Variants in PRELID2 observed in about 807,000 individuals in gnomAD.
PRELID2 encodes the protein PRELI domain containing 2.
Under a neutral mutation model 28.4 loss-of-function variants are expected in PRELID2, and 25 were observed. The ratio of observed to expected loss-of-function variants is 0.88; its 90% CI spans 0.64 to 1.23. The LOEUF (loss-of-function observed/expected upper bound fraction) is 1.23, where lower values mean the gene tolerates loss of function less well. Among genes scored for constraint, PRELID2 ranks in the 50% most tolerant of loss-of-function variants. PRELID2 has a pLI of 0.00. For missense variants in PRELID2, 201 were observed against 214.4 expected, an observed-to-expected ratio of 0.94 and a Z score of 0.39; for synonymous variants, 76 against 71.6, an observed-to-expected ratio of 1.06 and a Z score of -0.31.
chr5:145,409,263 C>T, the PRELID2 span, among the ~76,000 whole-genome samples: 1 of 152,206 alleles, frequency 6.6e-6, no homozygotes, highest in African/African-American at 2.4e-5. Context: ...AAAATAGAAC[C>T]TCCTTAAAGC....
chr5:145,762,211 C>T (rs1757507090), intron 6 of PRELID2, among the ~76,000 whole-genome samples: 1 of 152,152 alleles, frequency 6.6e-6, no homozygotes, highest in Admixed American at 6.5e-5. Flanking sequence ...TGGTTATATT[C>T]AGACCTCGAC....
At chr5:145,395,253 C>A in the PRELID2 span, among the ~76,000 whole-genome samples, 3 of 152,004 alleles carry the variant, frequency 2.0e-5, no homozygotes, top group African/African-American at 7.3e-5. Flanking sequence ...ACCCTGACTG[C>A]CAACTGACTT....
intron 1 of PRELID2, among the ~76,000 whole-genome samples, chr5:145,616,196 A>G (rs1213509676): frequency 1.3e-5 from 2 of 152,176 alleles, no homozygotes; most frequent in Non-Finnish European, 2.9e-5. Context: ...TTAACTTTAC[A>G]TAACCTGATG....
chr5:145,755,335 G>T (rs1757228694), downstream of PRELID2, among the ~76,000 whole-genome samples: 3 of 152,184 alleles, frequency 2.0e-5, no homozygotes, highest in South Asian at 6.2e-4. Flanking sequence ...AGACACACAG[G>T]AAAGCTTCCT....
downstream of PRELID2, among the ~76,000 whole-genome samples, chr5:145,466,965 A>G (rs544481316): frequency 3.3e-5 from 5 of 152,292 alleles, no homozygotes; most frequent in African/African-American, 1.2e-4. Context: ...ATATGTTACC[A>G]GCACTAGATC....
chr5:145,820,838 T>C (rs1288648046), intron 2 of PRELID2, among the ~76,000 whole-genome samples: 1 of 152,194 alleles, frequency 6.6e-6, no homozygotes, highest in African/African-American at 2.4e-5. Flanking sequence ...GAAAAAGCTA[T>C]TCCGCTTCCT....
chr5:145,293,857 C>T, the PRELID2 span, among the ~76,000 whole-genome samples: 86 of 152,250 alleles, frequency 5.6e-4, 1 homozygote, highest in Admixed American at 2.1e-3. Flanking sequence ...ATAGCCATAT[C>T]AGGAATTATC....
chr5:145,337,290 G>T, the PRELID2 span, among the ~76,000 whole-genome samples: 1 of 151,516 alleles, frequency 6.6e-6, no homozygotes, highest in South Asian at 2.1e-4. Flanking sequence ...TTTTGAAAAG[G>T]TAGGCAATAT....
At chr5:145,735,468 G>A (rs188340373) in intron 1 of PRELID2, among the ~76,000 whole-genome samples, 1 of 152,228 alleles carries the variant, frequency 6.6e-6, no homozygotes, top group East Asian at 1.9e-4. Context: ...ATTTGAGACA[G>A]TGACATGACA....
chr5:145,703,294 G>C (rs982071617), intron 1 of PRELID2, among the ~76,000 whole-genome samples: 1 of 152,168 alleles, frequency 6.6e-6, no homozygotes. Context: ...AGTGAACTTC[G>C]TTGATTCAGC....
chr5:145,402,142 G>T, the PRELID2 span, among the ~76,000 whole-genome samples: 1 of 152,072 alleles, frequency 6.6e-6, no homozygotes, highest in Non-Finnish European at 1.5e-5. Context: ...CACATGGATG[G>T]GACAGATATG....
the PRELID2 span, among the ~76,000 whole-genome samples, chr5:145,286,981 A>G: frequency 6.6e-6 from 1 of 152,248 alleles, no homozygotes; most frequent in East Asian, 1.9e-4. Context: ...AAGTGCTAGG[A>G]TTACAGGCGT....
chr5:145,503,916 A>T (rs1482276890), intron 1 of PRELID2, among the ~76,000 whole-genome samples: 1 of 152,160 alleles, frequency 6.6e-6, no homozygotes, highest in Non-Finnish European at 1.5e-5. Flanking sequence ...GGAACTGGGA[A>T]CCTCACAGCA....
the PRELID2 span, among the ~76,000 whole-genome samples, chr5:145,408,871 C>A: frequency 2.6e-5 from 4 of 152,034 alleles, no homozygotes; most frequent in Non-Finnish European, 5.9e-5. Context: ...TCAAAGAACA[C>A]CTCAAAAATT....
chr5:145,361,650 T>G, the PRELID2 span, among the ~76,000 whole-genome samples: 7 of 152,136 alleles, frequency 4.6e-5, no homozygotes, highest in South Asian at 2.1e-4. Context: ...GTCTCCCAAC[T>G]CCTACCTCAA....
intron 5 of PRELID2, among the ~76,000 whole-genome samples, chr5:145,791,347 T>C (rs13157947): frequency 0.82 from 124,263 of 152,106 alleles, 52,977 homozygotes; most frequent in Non-Finnish European, 0.94. Flanking sequence ...ATCAGGTGAC[T>C]AGACAAACAA....
At chr5:145,589,801 C>T (rs1242176044) in intron 1 of PRELID2, among the ~76,000 whole-genome samples, 5 of 151,828 alleles carry the variant, frequency 3.3e-5, no homozygotes, top group African/African-American at 1.2e-4. Context: ...TCCATGTTTC[C>T]TTCTAGTATT....
At chr5:145,496,052 A>C (rs1029491912) in intron 1 of PRELID2, among the ~76,000 whole-genome samples, 3 of 152,204 alleles carry the variant, frequency 2.0e-5, no homozygotes, top group Non-Finnish European at 4.4e-5. Context: ...AAGGGCTAAG[A>C]AATATTCTTT....
At chr5:145,464,143 C>T in the PRELID2 span, among the ~76,000 whole-genome samples, 2 of 152,114 alleles carry the variant, frequency 1.3e-5, no homozygotes, top group African/African-American at 2.4e-5. Flanking sequence ...CCCTTCTGTA[C>T]GTCTTCTAAA....
Sources: allele counts gnomAD v4.1 joint callset (sites outside exome capture counted in the v4.1 genomes callset), GRCh38; gene constraint gnomAD v4.1.1; transcripts MANE v1.5; gene names NCBI Gene and HGNC (gene_info 2026-07-23, HGNC 2026-07-21).